Variants in MACROD2 observed in about 807,000 individuals in gnomAD.
MACROD2 encodes the protein ADP-ribose glycohydrolase MACROD2.
Under a neutral mutation model 70.4 loss-of-function variants are expected in MACROD2, and 36 were observed. The observed-to-expected ratio is 0.51, with a 90% CI of 0.39 to 0.68. The LOEUF is 0.68. Ranked by LOEUF, MACROD2 falls within the 30% of genes least tolerant of loss-of-function variation. The pLI is 0.00. For missense variants in MACROD2, 496 were observed against 538.4 expected (o/e 0.92, Z 0.78); for synonymous variants, 172 against 178.8 (o/e 0.96, Z 0.30).
intron 3 of MACROD2, among the ~76,000 whole-genome samples, chr20:14,394,721 T>A (rs2083563624): frequency 1.3e-5 from 2 of 152,210 alleles, no homozygotes; most frequent in Admixed American, 1.3e-4. Flanking sequence ...TAATGTTAGC[T>A]GCAGGTTGTT....
chr20:15,540,546 A>G (rs757788538), intron 8 of MACROD2, among the ~76,000 whole-genome samples: 3 of 152,204 alleles, frequency 2.0e-5, no homozygotes, highest in Non-Finnish European at 4.4e-5. Context: ...TCAAACTTGG[A>G]TGCTGGGGAT....
At position 14,014,350 on chromosome 20, in the gene MACROD2, T is replaced by C. The variant is rs180784595; in HGVS notation, c.163+11946T>C. Reference sequence around the variant, plus strand: ...ATTGTATTTCATAATGTTTTTGTCTTTTCTGAAATATTTAGTTACTGAATT... The same window carrying C: ...ATTGTATTTCATAATGTTTTTGTCTCTTCTGAAATATTTAGTTACTGAATT... On this transcript the variant is annotated intron_variant, in intron 2 of 17. Coordinates refer to ENST00000684519, the MANE Select transcript of MACROD2 (RefSeq NM_001351661.2). Among the ~76,000 whole-genome samples the C allele has an allele frequency of 1.4e-4, 22 of 152,258 alleles. No individual in the cohort carries two copies. In the East Asian group the frequency reaches 3.7e-3, roughly 25 times the overall value.
chr20:14,783,400 T>C (rs2072326262), intron 5 of MACROD2, among the ~76,000 whole-genome samples: 1 of 152,148 alleles, frequency 6.6e-6, no homozygotes, highest in African/African-American at 2.4e-5. Flanking sequence ...GTCCCAAACA[T>C]CTCTTATTTT....
At chr20:14,531,446 A>G (rs1276664047) in intron 4 of MACROD2, among the ~76,000 whole-genome samples, 3 of 152,182 alleles carry the variant, frequency 2.0e-5, no homozygotes, top group Non-Finnish European at 4.4e-5. Flanking sequence ...GAGTGACCAG[A>G]AGCTGGAATT....
At chr20:14,068,554 AGT>A (rs2053798212) in intron 2 of MACROD2, among the ~76,000 whole-genome samples, 1 of 152,088 alleles carries the variant, frequency 6.6e-6, no homozygotes, top group South Asian at 2.1e-4. Context: ...GGATTCAGAG[AGT>A]GAGAAGTAAC....
At chr20:15,260,354 T>C (rs991698344) in intron 6 of MACROD2, among the ~76,000 whole-genome samples, 1 of 151,964 alleles carries the variant, frequency 6.6e-6, no homozygotes, top group Admixed American at 6.6e-5. Context: ...TTTTTTTTTT[T>C]TTAGCTCCCA....
At chr20:14,585,225 G>T (rs1011155358) in intron 4 of MACROD2, among the ~76,000 whole-genome samples, 9 of 152,196 alleles carry the variant, frequency 5.9e-5, no homozygotes, top group Non-Finnish European at 8.8e-5. Context: ...TAGCAAGTTT[G>T]TCTTGGAGCT....
intron 3 of MACROD2, among the ~76,000 whole-genome samples, chr20:14,286,241 T>C (rs1306692764): frequency 6.6e-6 from 1 of 152,178 alleles, no homozygotes; most frequent in Non-Finnish European, 1.5e-5. Context: ...ACCAAACTTA[T>C]GGGAGAAGTC....
rs2078167321 is a variant in MACROD2 at position 15,346,466 on chromosome 20, C to T, written c.541-84939C>T. ...CTTATTCTCAAAAGTATACAGTGAA[C>T]AGCAGCGAAGTTCACATATTGTTGA... On this transcript the variant is annotated intron_variant, in intron 6 of 17. Transcript: ENST00000684519. Among the ~76,000 whole-genome samples, 3 of 152,094 alleles carry T rather than the reference C, an allele frequency of 2.0e-5. No homozygotes were observed. In the South Asian group the frequency reaches 6.2e-4, roughly 32 times the overall value.
rs11477751 is a variant in MACROD2, at chr20:15,243,759, C to CA, written c.540+13710dup. On this transcript the variant is annotated intron_variant, in intron 6 of 17. Transcript: ENST00000684519. ...TGAAACCCTGTCTCTACTAAAAATACAAAAAAAAAAAAGAAAATTAGCGGG... is the reference window on the plus strand; with the variant it reads ...TGAAACCCTGTCTCTACTAAAAATACAAAAAAAAAAAAAGAAAATTAGCGGG... Among the ~76,000 whole-genome samples the CA allele has an allele frequency of 3.5e-3, 493 of 142,232 alleles. 1 individual carries two copies. Among genetic ancestry groups the CA allele is most frequent in the South Asian group, 0.021 (91 of 4,390 alleles). The allele number at this position is 142,232 out of a possible 152,430, so 93.3% of individuals were successfully genotyped here. A position where few individuals can be genotyped will look rare whatever the true frequency, so the allele number is the denominator to read the frequency against.
intron 3 of MACROD2, among the ~76,000 whole-genome samples, chr20:14,228,991 C>CAAAAAAA (rs11480896): frequency 7.4e-6 from 1 of 135,024 alleles, no homozygotes; most frequent in Non-Finnish European, 1.6e-5. Context: ...GACTCTGTCT[C>CAAAAAAA]AAAAAAAAAA....
chr20:15,540,332 G>A lies in MACROD2; in HGVS notation c.645+40485G>A, dbSNP rs184741479. On this transcript the variant is annotated intron_variant, in intron 8 of 17. Transcript: ENST00000684519. ...ACAGTGTGCAAGGATTTTTACTAAA[G>A]GAATGACATGGCCAGATTTGCCATT... Among the ~76,000 whole-genome samples, 86 of 152,282 alleles carry A rather than the reference G, an allele frequency of 5.6e-4. 4 individuals carry two copies. The South Asian group carries it at 0.016, about 29-fold the overall frequency.
intron 8 of MACROD2, among the ~76,000 whole-genome samples, chr20:15,862,387 T>C (rs2064435941): frequency 6.6e-6 from 1 of 152,214 alleles, no homozygotes; most frequent in African/African-American, 2.4e-5. Flanking sequence ...GCTGTATACC[T>C]CTCGTGTGGC....
At chr20:14,351,746 T>A (rs2083125102) in intron 3 of MACROD2, among the ~76,000 whole-genome samples, 1 of 152,200 alleles carries the variant, frequency 6.6e-6, no homozygotes, top group Non-Finnish European at 1.5e-5. Context: ...CTTGTCTTAC[T>A]GCTCTAGCTA....
intron 3 of MACROD2, among the ~76,000 whole-genome samples, chr20:14,412,342 G>A (rs958246535): frequency 6.6e-6 from 1 of 152,170 alleles, no homozygotes; most frequent in Non-Finnish European, 1.5e-5. Context: ...AATTAAAGAT[G>A]TCATGTTGGC....
At chr20:15,499,687 G>T in intron 7 of MACROD2, 87 bp from the exon 8 acceptor site, 1 of 1,192,638 alleles carries the variant, frequency 8.4e-7, no homozygotes. Context: ...TTGTTTAAAT[G>T]AGAAAACTCC....
At chr20:14,135,126 A>G (rs2054777394) in intron 3 of MACROD2, among the ~76,000 whole-genome samples, 1 of 152,148 alleles carries the variant, frequency 6.6e-6, no homozygotes, top group Non-Finnish European at 1.5e-5. Flanking sequence ...ATCAAGAAAC[A>G]TAGGGATTAG....
intron 4 of MACROD2, among the ~76,000 whole-genome samples, chr20:14,650,656 C>G (rs2123509486): frequency 6.6e-6 from 1 of 152,276 alleles, no homozygotes; most frequent in African/African-American, 2.4e-5. Context: ...GTTACATAAC[C>G]TTAATGGAGA....
intron 5 of MACROD2, among the ~76,000 whole-genome samples, chr20:15,025,549 G>C (rs566909048): frequency 2.9e-4 from 22 of 75,478 alleles, no homozygotes; most frequent in African/African-American, 1.1e-3. Context: ...ATCCTCAGGG[G>C]CTCCTGATAC....
Sources: gnomAD v4.1 joint callset for allele counts (sites outside exome capture counted in the v4.1 genomes callset) on GRCh38, gnomAD v4.1.1 for gene constraint, MANE v1.5 for transcripts, NCBI Gene and HGNC (gene_info 2026-07-23, HGNC 2026-07-21) for gene names.